Variants in FAM117B observed in about 807,000 individuals in gnomAD.
FAM117B encodes protein FAM117B.
Under a neutral mutation model 52.8 loss-of-function variants are expected in FAM117B, and 22 were observed. The observed-to-expected ratio is 0.42, with a 90% confidence interval of 0.30 to 0.59. FAM117B has a LOEUF of 0.59. Among genes scored for constraint, FAM117B ranks in the 20% least tolerant of loss-of-function variants. The pLI is 0.22. For missense variants in FAM117B, 678 were observed against 802.6 expected, an observed-to-expected ratio of 0.84 and a Z score of 1.88; for synonymous variants, 309 against 324.1, an observed-to-expected ratio of 0.95 and a Z score of 0.50.
At chr2:202,642,480 T>G (rs1436020498) in intron 1 of FAM117B, among the ~76,000 whole-genome samples, 2 of 151,818 alleles carry the variant, frequency 1.3e-5, no homozygotes, top group Non-Finnish European at 1.5e-5. Flanking sequence ...AAGACTGATT[T>G]GGCAAACTGT....
At chr2:202,663,445 CTT>C (rs1297473151) in intron 1 of FAM117B, among the ~76,000 whole-genome samples, 2 of 151,938 alleles carry the variant, frequency 1.3e-5, no homozygotes, top group Non-Finnish European at 2.9e-5. Flanking sequence ...AAGCGTGTAT[CTT>C]TTTATTTAAT....
intron 1 of FAM117B, among the ~76,000 whole-genome samples, chr2:202,678,508 C>T (rs573621005): frequency 7.2e-5 from 11 of 152,244 alleles, no homozygotes; most frequent in African/African-American, 2.6e-4. Flanking sequence ...TTGCCAGGCA[C>T]ATGTTGGGGC....
At position 202,738,740 on chromosome 2, in the gene FAM117B, T is replaced by TG. The variant is rs776278542; in HGVS notation, c.960+12382dup. On this transcript the variant is annotated intron_variant, in intron 4 of 7. Coordinates refer to ENST00000392238, the MANE Select transcript of FAM117B (RefSeq NM_173511.4). ...AGAGTCTCATTTTTTCAATGTAAAA[T>TG]GGGGGTAGTAACTGCCTATTTTTAT... Among the ~76,000 whole-genome samples the TG allele has an allele frequency of 1.5e-4, 23 of 152,286 alleles. No homozygotes were observed. In the South Asian group the frequency reaches 1.7e-3, roughly 11 times the overall value.
intron 1 of FAM117B, among the ~76,000 whole-genome samples, chr2:202,691,680 T>TGC: frequency 6.6e-6 from 1 of 150,590 alleles, no homozygotes; most frequent in African/African-American, 2.5e-5. Context: ...TGTGTGTGTG[T>TGC]GTGTGTGTGT....
intron 6 of FAM117B, among the ~76,000 whole-genome samples, chr2:202,758,759 T>C (rs1691839912): frequency 6.6e-6 from 1 of 152,096 alleles, no homozygotes; most frequent in African/African-American, 2.4e-5. Flanking sequence ...TTACTCCTTT[T>C]AGGTAAGGGG....
intron 1 of FAM117B, among the ~76,000 whole-genome samples, chr2:202,662,036 C>G (rs10184507): frequency 0.081 from 12,343 of 151,782 alleles, 1,664 homozygotes; most frequent in African/African-American, 0.28. Flanking sequence ...TATTGCAGAG[C>G]TATTCACAAT....
At position 202,768,417 on chromosome 2, in the gene FAM117B, T is replaced by C. The variant is rs1692019141; in HGVS notation, c.*2653T>C. On this transcript the variant is annotated 3_prime_UTR_variant, in exon 8 of 8. Coordinates refer to ENST00000392238, the MANE Select transcript of FAM117B (RefSeq NM_173511.4). Reference sequence around the variant, plus strand: ...TGTGAATTTGCAGGTAAATGAATTGTATGGCAACCAGACAGATCCCTGGGG... The same window carrying C: ...TGTGAATTTGCAGGTAAATGAATTGCATGGCAACCAGACAGATCCCTGGGG... The C allele has an allele frequency of 6.6e-6, 1 of 152,532 alleles. No individual in the cohort carries two copies. The highest frequency in any genetic ancestry group is 2.4e-5 in the African/African-American group (1 of 41,454). The allele number at this position is 152,532 out of a possible 1,614,324, so 9.4% of individuals were successfully genotyped here. A position where few individuals can be genotyped will look rare whatever the true frequency, so the allele number is the denominator to read the frequency against.
chr2:202,678,950 C>T (rs1201965488), intron 1 of FAM117B, among the ~76,000 whole-genome samples: 1 of 152,186 alleles, frequency 6.6e-6, no homozygotes, highest in Non-Finnish European at 1.5e-5. Context: ...AGATGAGAAA[C>T]TTCTGGAGCT....
At chr2:202,644,064 G>GGTT (rs1689816687) in intron 1 of FAM117B, among the ~76,000 whole-genome samples, 1 of 95,138 alleles carries the variant, frequency 1.1e-5, no homozygotes, top group African/African-American at 4.5e-5. Flanking sequence ...TTTTTTTTTT[G>GGTT]TTTTTTTTTT....
chr2:202,672,628 A>G (rs1690316762), intron 1 of FAM117B, among the ~76,000 whole-genome samples: 1 of 152,318 alleles, frequency 6.6e-6, no homozygotes, highest in Admixed American at 6.5e-5. Flanking sequence ...TAAGTCATTA[A>G]TTTGGCATCT....
chr2:202,645,322 G>A (rs925736383), intron 1 of FAM117B, among the ~76,000 whole-genome samples: 1 of 148,060 alleles, frequency 6.8e-6, no homozygotes, highest in Non-Finnish European at 1.5e-5. Context: ...ACAGAGTCTC[G>A]CTGTCGCCCA....
chr2:202,762,287 T>C (rs548364584), intron 7 of FAM117B, among the ~76,000 whole-genome samples: 4 of 152,332 alleles, frequency 2.6e-5, no homozygotes, highest in African/African-American at 7.2e-5. Context: ...GAAATGTGTC[T>C]GTTTACCTGA....
chr2:202,672,561 T>C (rs1380044392), intron 1 of FAM117B, among the ~76,000 whole-genome samples: 1 of 152,302 alleles, frequency 6.6e-6, no homozygotes, highest in East Asian at 1.9e-4. Context: ...TTACAAACAG[T>C]AAAAATAAGG....
chr2:202,754,768 T>TAGTC (rs1255879860), intron 4 of FAM117B, among the ~76,000 whole-genome samples: 1 of 150,612 alleles, frequency 6.6e-6, no homozygotes, highest in Non-Finnish European at 1.5e-5. Flanking sequence ...CGGGTGCCTG[T>TAGTC]AGTCCCAGCT....
intron 1 of FAM117B, among the ~76,000 whole-genome samples, chr2:202,668,703 C>G (rs1322494065): frequency 6.6e-6 from 1 of 151,432 alleles, no homozygotes. Flanking sequence ...GATTTTGGGT[C>G]AAGTTTTATT....
At position 202,727,340 on chromosome 2, in the gene FAM117B, A is replaced by C. The variant is rs2105787997; in HGVS notation, c.960+977A>C. The stretch of plus-strand genomic sequence containing the variant: ...GTCCCACCATGTGTTTCTGTAAATA[A>C]GGTTTTATTAGAAAACAGTCACTCT... On this transcript the variant is annotated intron_variant, in intron 4 of 7. Transcript: ENST00000392238. 4.6e-5 allele frequency among the ~76,000 whole-genome samples: 7 copies of C among 152,256 alleles called. 1 individual carries two copies. In the South Asian group the frequency reaches 1.5e-3, roughly 32 times the overall value.
At chr2:202,735,098 G>A (rs1158172118) in intron 4 of FAM117B, among the ~76,000 whole-genome samples, 6 of 152,048 alleles carry the variant, frequency 3.9e-5, no homozygotes, top group Admixed American at 1.3e-4. Context: ...AACATTGTGA[G>A]TATTACAAAT....
At chr2:202,728,838 A>G (rs944345283) in intron 4 of FAM117B, among the ~76,000 whole-genome samples, 1 of 152,192 alleles carries the variant, frequency 6.6e-6, no homozygotes, top group African/African-American at 2.4e-5. Flanking sequence ...TGAAATTTAT[A>G]TTTAATTTAA....
At chr2:202,673,431 C>CTTTTTTTTTTTTT (rs1690327997) in intron 1 of FAM117B, among the ~76,000 whole-genome samples, 4 of 31,184 alleles carry the variant, frequency 1.3e-4, no homozygotes, top group African/African-American at 5.0e-4. Context: ...TTTTCTTTTT[C>CTTTTTTTTTTTTT]TGTTTTTTTT....
Sources: allele counts gnomAD v4.1 joint callset (sites outside exome capture counted in the v4.1 genomes callset), GRCh38; gene constraint gnomAD v4.1.1; transcripts MANE v1.5; gene names NCBI Gene and HGNC (gene_info 2026-07-23, HGNC 2026-07-21).